Variants in AGBL4 observed in about 807,000 individuals in gnomAD.
AGBL4 encodes cytosolic carboxypeptidase 6.
In AGBL4, 58 loss-of-function variants were observed where a neutral mutation model predicts 66.4. The observed-to-expected ratio is 0.87, with a 90% confidence interval of 0.71 to 1.09. The LOEUF is 1.09. Among genes scored for constraint, AGBL4 ranks in the 50% least tolerant of loss-of-function variants. The pLI is 0.00. For synonymous variants in AGBL4, 234 were observed against 222.9 expected, an observed-to-expected ratio of 1.05 and a Z score of -0.44; for missense variants, 579 against 631.0, an observed-to-expected ratio of 0.92 and a Z score of 0.88.
chr1:49,235,353 G>C (rs1408960290), intron 4 of AGBL4, among the ~76,000 whole-genome samples: 1 of 152,208 alleles, frequency 6.6e-6, no homozygotes, highest in African/African-American at 2.4e-5. Context: ...TGTTGCCCAA[G>C]GGCAGGAGCT....
At chr1:49,919,065 G>A (rs1033598105) in intron 1 of AGBL4, among the ~76,000 whole-genome samples, 1 of 152,036 alleles carries the variant, frequency 6.6e-6, no homozygotes, top group African/African-American at 2.4e-5. Flanking sequence ...CAATAAATTC[G>A]GTATTGATGG....
chr1:49,639,715 CA>C (rs2124398821), intron 3 of AGBL4, among the ~76,000 whole-genome samples: 1 of 152,194 alleles, frequency 6.6e-6, no homozygotes, highest in African/African-American at 2.4e-5. Flanking sequence ...AATAAGAGAA[CA>C]GGGGAGCAAA....
intron 6 of AGBL4, among the ~76,000 whole-genome samples, chr1:48,847,240 C>G (rs113602336): frequency 1.3e-5 from 2 of 151,894 alleles, no homozygotes; most frequent in African/African-American, 4.8e-5. Context: ...GCGGAGGTTG[C>G]AGGGAGCCGA....
At chr1:49,562,352 C>T (rs985498379) in intron 3 of AGBL4, among the ~76,000 whole-genome samples, 15 of 152,170 alleles carry the variant, frequency 9.9e-5, no homozygotes, top group Admixed American at 2.0e-4. Flanking sequence ...GTTGCCATTG[C>T]TTTTGGTGTT....
At chr1:49,061,933 G>C (rs951260930) in intron 4 of AGBL4, among the ~76,000 whole-genome samples, 6 of 152,086 alleles carry the variant, frequency 3.9e-5, no homozygotes. Context: ...CAACCCCTGG[G>C]GCCACGGACA....
intron 2 of AGBL4, among the ~76,000 whole-genome samples, chr1:49,742,021 G>T (rs1305155667): frequency 6.6e-6 from 1 of 152,090 alleles, no homozygotes; most frequent in Admixed American, 6.6e-5. Context: ...CGCCACTCCT[G>T]TTCAACATAG....
At chr1:48,534,431 C>A in intron 13 of AGBL4, 138 bp from the exon 14 acceptor site, 1 of 1,213,532 alleles carries the variant, frequency 8.2e-7, no homozygotes, top group Non-Finnish European at 1.1e-6. Context: ...CCCACAGACA[C>A]TAAAGGTGAC....
intron 3 of AGBL4, among the ~76,000 whole-genome samples, chr1:49,273,874 G>A (rs1415138483): frequency 6.6e-6 from 1 of 151,962 alleles, no homozygotes; most frequent in Non-Finnish European, 1.5e-5. Flanking sequence ...AGTAGAGACG[G>A]GGTTTCACCG....
At position 49,815,129 on chromosome 1, in the gene AGBL4, T is replaced by G. The variant is rs12088383; in HGVS notation, c.157+36267A>C. Among the ~76,000 whole-genome samples, 729 of 152,248 alleles carry G rather than the reference T, an allele frequency of 4.8e-3. 9 individuals carry two copies. Among genetic ancestry groups the G allele is most frequent in the African/African-American group, 0.016 (684 of 41,560 alleles). On this transcript the variant is annotated intron_variant, in intron 2 of 13. Transcript: ENST00000371839. ...CTAGGTCTTACTCATTCTTTTTAAC[T>G]ATTTTTCATACCCTTAACCAGCCTC...
intron 6 of AGBL4, among the ~76,000 whole-genome samples, chr1:48,725,675 TGACA>T (rs1647228156): frequency 2.0e-5 from 3 of 152,218 alleles, no homozygotes; most frequent in Admixed American, 6.5e-5. Context: ...GGTCCACTGC[TGACA>T]GACAGCTCCA....
At chr1:48,599,821 G>A (rs1223176244) in intron 9 of AGBL4, among the ~76,000 whole-genome samples, 1 of 152,198 alleles carries the variant, frequency 6.6e-6, no homozygotes, top group African/African-American at 2.4e-5. Context: ...CAAGTAGGCA[G>A]TTGAATTCAT....
chr1:50,019,511 A>G (rs1328305165), intron 1 of AGBL4, among the ~76,000 whole-genome samples: 1 of 151,998 alleles, frequency 6.6e-6, no homozygotes, highest in African/African-American at 2.4e-5. Flanking sequence ...CACTAACACA[A>G]GCTATCAAAC....
chr1:49,539,081 T>C (rs758220849), intron 3 of AGBL4, among the ~76,000 whole-genome samples: 12 of 152,274 alleles, frequency 7.9e-5, no homozygotes, highest in Non-Finnish European at 1.5e-4. Flanking sequence ...GTTACAATAC[T>C]ATATAGTCCT....
chr1:48,560,577 T>A (rs1377229179), intron 11 of AGBL4, among the ~76,000 whole-genome samples: 2 of 152,184 alleles, frequency 1.3e-5, no homozygotes, highest in Non-Finnish European at 2.9e-5. Context: ...AAAAAATCCC[T>A]GAATAAGCTG....
At chr1:49,993,601 G>C (rs1660127289) in intron 1 of AGBL4, among the ~76,000 whole-genome samples, 1 of 152,270 alleles carries the variant, frequency 6.6e-6, no homozygotes, top group Middle Eastern at 3.4e-3. Context: ...CCCTATGGCA[G>C]AATTACACAC....
At chr1:49,526,119 A>AT (rs1558022011) in intron 3 of AGBL4, among the ~76,000 whole-genome samples, 1 of 151,724 alleles carries the variant, frequency 6.6e-6, no homozygotes, top group Non-Finnish European at 1.5e-5. Context: ...ACAAAAAAAA[A>AT]CCATTAGGCC....
At chr1:49,888,975 T>C (rs1167227482) in intron 1 of AGBL4, among the ~76,000 whole-genome samples, 1 of 152,220 alleles carries the variant, frequency 6.6e-6, no homozygotes, top group Admixed American at 6.5e-5. Flanking sequence ...AATATGCTTA[T>C]TTTAAAGTTG....
At chr1:49,150,555 CAAT>C (rs769967264) in intron 4 of AGBL4, among the ~76,000 whole-genome samples, 1 of 152,150 alleles carries the variant, frequency 6.6e-6, no homozygotes, top group Non-Finnish European at 1.5e-5. Flanking sequence ...AAATTTGCTA[CAAT>C]AAAATGTACT....
intron 3 of AGBL4, among the ~76,000 whole-genome samples, chr1:49,512,011 A>T (rs1649312184): frequency 1.3e-5 from 2 of 152,006 alleles, no homozygotes; most frequent in South Asian, 2.1e-4. Context: ...GAGATATAGG[A>T]TATGTAAAAT....
Sources: gnomAD v4.1 joint callset for allele counts (sites outside exome capture counted in the v4.1 genomes callset) on GRCh38, gnomAD v4.1.1 for gene constraint, MANE v1.5 for transcripts, NCBI Gene and HGNC (gene_info 2026-07-23, HGNC 2026-07-21) for gene names.